Variants in SYNPR observed in about 807,000 individuals in gnomAD.
SYNPR encodes the protein synaptoporin.
In SYNPR, 23 loss-of-function variants were observed where a neutral mutation model predicts 32.9. The observed-to-expected ratio is 0.70, with a 90% CI of 0.50 to 0.99. The LOEUF is 0.99. Ranked by LOEUF, SYNPR falls within the 50% of genes least tolerant of loss-of-function variation. The pLI is 0.00. For synonymous variants in SYNPR, 146 were observed against 135.9 expected (o/e 1.07, Z -0.52); for missense variants, 318 against 349.3 (o/e 0.91, Z 0.71).
chr3:63,310,763 A>G (rs2106952639), intron 2 of SYNPR, among the ~76,000 whole-genome samples: 1 of 152,130 alleles, frequency 6.6e-6, no homozygotes, highest in South Asian at 2.1e-4. Flanking sequence ...TTCCAGCCCT[A>G]GAACAAGGTG....
At chr3:63,394,051 C>T (rs2088178558) in intron 2 of SYNPR, among the ~76,000 whole-genome samples, 1 of 152,150 alleles carries the variant, frequency 6.6e-6, no homozygotes, top group East Asian at 1.9e-4. Flanking sequence ...AATGTAATCT[C>T]CCAAGGTCAG....
At chr3:63,584,545 G>A (rs1256611823) in intron 4 of SYNPR, among the ~76,000 whole-genome samples, 5 of 152,102 alleles carry the variant, frequency 3.3e-5, no homozygotes, top group Middle Eastern at 3.4e-3. Context: ...ATGAGGAAAG[G>A]GGGAAGATGC....
intron 4 of SYNPR, among the ~76,000 whole-genome samples, chr3:63,557,711 G>T (rs550638306): frequency 1.3e-5 from 2 of 152,118 alleles, no homozygotes; most frequent in African/African-American, 2.4e-5. Context: ...AACTCAAAAA[G>T]AAAGTCATAA....
chr3:63,276,249 G>C (rs62251334), upstream of SYNPR, among the ~76,000 whole-genome samples: 44,535 of 152,056 alleles, frequency 0.29, 7,660 homozygotes, highest in Non-Finnish European at 0.39. Context: ...GTCAAAACAA[G>C]ACACATGGCT....
chr3:63,437,388 T>G (rs1700103018), intron 2 of SYNPR, among the ~76,000 whole-genome samples: 1 of 152,034 alleles, frequency 6.6e-6, no homozygotes, highest in Non-Finnish European at 1.5e-5. Flanking sequence ...ACCACACAAG[T>G]AGTAATATAC....
chr3:63,385,735 G>C (rs950798305), intron 2 of SYNPR, among the ~76,000 whole-genome samples: 1 of 152,192 alleles, frequency 6.6e-6, no homozygotes, highest in Non-Finnish European at 1.5e-5. Context: ...AACTTTATGT[G>C]AGGTCAGGTG....
At chr3:63,288,446 A>G (rs1216689108) in intron 2 of SYNPR, among the ~76,000 whole-genome samples, 1 of 152,220 alleles carries the variant, frequency 6.6e-6, no homozygotes, top group Non-Finnish European at 1.5e-5. Flanking sequence ...TTTTGGCATC[A>G]GTATTCTTGG....
intron 2 of SYNPR, among the ~76,000 whole-genome samples, chr3:63,414,378 G>A (rs1166304934): frequency 1.3e-5 from 2 of 152,076 alleles, no homozygotes; most frequent in African/African-American, 2.4e-5. Flanking sequence ...TTGCAAATGT[G>A]TCACTTCAGC....
chr3:63,253,040 G>GA lies in SYNPR; in HGVS notation n.154+471dup, dbSNP rs200342050. On this transcript the variant is annotated intron_variant and non_coding_transcript_variant, in intron 2 of 4. Coordinates refer to the SYNPR transcript ENST00000478456. ...GGTGACAGAGTGAGACTCTGTCTCAGAAAAAAAAAAAAAAAAAGAATAGTT... is the reference window on the plus strand; with the variant it reads ...GGTGACAGAGTGAGACTCTGTCTCAGAAAAAAAAAAAAAAAAAAGAATAGTT... Among the ~76,000 whole-genome samples, 225 of 124,026 alleles carry GA rather than the reference G, an allele frequency of 1.8e-3. 5 individuals carry two copies. The South Asian group carries it at 0.019, about 11-fold the overall frequency. The allele number at this position is 124,026 out of a possible 152,430, so 81.4% of individuals were successfully genotyped here. A position where few individuals can be genotyped will look rare whatever the true frequency, so the allele number is the denominator to read the frequency against.
In SYNPR at chr3:63,339,948, T is replaced by C. The variant is rs995012643; in HGVS notation, c.84+61206T>C. Among the ~76,000 whole-genome samples the C allele has an allele frequency of 3.3e-5, 5 of 152,296 alleles. No individual in the cohort carries two copies. In the South Asian group the frequency reaches 1.0e-3, roughly 32 times the overall value. ...CTGGAATTAGAGGCGTGAGCCACCA[T>C]GCCAAGCCTACCTTTTTATAACCAC... On this transcript the variant is annotated intron_variant, in intron 2 of 5. Transcript: ENST00000478300.
chr3:63,494,532 T>C (rs1169392031), intron 3 of SYNPR, among the ~76,000 whole-genome samples: 1 of 140,574 alleles, frequency 7.1e-6, no homozygotes, highest in Non-Finnish European at 1.5e-5. Flanking sequence ...CATATATATA[T>C]ATGGCAAAGA....
chr3:63,306,566 T>C (rs1226045295), intron 2 of SYNPR, among the ~76,000 whole-genome samples: 2 of 151,898 alleles, frequency 1.3e-5, no homozygotes, highest in African/African-American at 2.4e-5. Flanking sequence ...AATTAGTTTG[T>C]AGATGGTCCA....
At chr3:63,250,996 C>T (rs2086326663) in intron 1 of SYNPR, among the ~76,000 whole-genome samples, 1 of 151,840 alleles carries the variant, frequency 6.6e-6, no homozygotes, top group African/African-American at 2.4e-5. Context: ...ACAATAGAAA[C>T]CACCAAAAGA....
chr3:63,256,500 C>G (rs553154170), intron 2 of SYNPR, among the ~76,000 whole-genome samples: 150 of 152,342 alleles, frequency 9.8e-4, no homozygotes, highest in Non-Finnish European at 1.8e-3. Flanking sequence ...AGACCCGCAG[C>G]TGAGGGTCCT....
At chr3:63,571,768 T>C (rs1373006217) in intron 4 of SYNPR, among the ~76,000 whole-genome samples, 2 of 152,192 alleles carry the variant, frequency 1.3e-5, no homozygotes, top group African/African-American at 4.8e-5. Flanking sequence ...AGGTGCTTAG[T>C]GTTAAGTAAA....
At chr3:63,581,821 C>A (rs1703098432) in intron 4 of SYNPR, among the ~76,000 whole-genome samples, 1 of 152,094 alleles carries the variant, frequency 6.6e-6, no homozygotes, top group African/African-American at 2.4e-5. Flanking sequence ...CTCATCTCCC[C>A]TCATGTATGA....
chr3:63,270,753 C>G (rs796067050), intron 3 of SYNPR, among the ~76,000 whole-genome samples: 50 of 152,218 alleles, frequency 3.3e-4, no homozygotes, highest in African/African-American at 1.2e-3. Flanking sequence ...TTATAAGGAG[C>G]TTATCACAGT....
At chr3:63,296,200 A>G (rs1425632785) in intron 2 of SYNPR, among the ~76,000 whole-genome samples, 1 of 152,236 alleles carries the variant, frequency 6.6e-6, no homozygotes, top group African/African-American at 2.4e-5. Flanking sequence ...ATACAAGCCC[A>G]GTGCTTCCAG....
intron 2 of SYNPR, among the ~76,000 whole-genome samples, chr3:63,256,620 A>C (rs1240118972): frequency 6.6e-6 from 1 of 152,226 alleles, no homozygotes; most frequent in Non-Finnish European, 1.5e-5. Flanking sequence ...AGATGGAGAA[A>C]AAACAGAGCA....
Sources: gnomAD v4.1 joint callset for allele counts (sites outside exome capture counted in the v4.1 genomes callset) on GRCh38, gnomAD v4.1.1 for gene constraint, MANE v1.5 for transcripts, NCBI Gene and HGNC (gene_info 2026-07-23, HGNC 2026-07-21) for gene names.